TNXB: variants seen among roughly 807,000 people sequenced by gnomAD.
TNXB encodes the protein tenascin XB.
Under a neutral mutation model 340.5 loss-of-function variants are expected in TNXB, and 183 were observed. The ratio of observed to expected loss-of-function variants is 0.54; its 90% CI spans 0.48 to 0.61. The LOEUF (loss-of-function observed/expected upper bound fraction) is 0.61. TNXB is among the 20% of genes least tolerant of loss of function. The pLI, the probability that TNXB is intolerant of heterozygous loss-of-function variation, is 0.00. For missense variants in TNXB, 4,613 were observed against 5,446.4 expected, an observed-to-expected ratio of 0.85 and a Z score of 4.82; for synonymous variants, 2,121 against 2,314.5, an observed-to-expected ratio of 0.92 and a Z score of 2.40.
chr6:32,098,187 G>A lies in TNXB; in HGVS notation c.12C>T (p.Ala4=). The change falls in exon 2 of 44, where the codon GCC becomes GCT. Residue 4 remains alanine (A), a synonymous_variant. Coordinates refer to ENST00000644971, the MANE Select transcript of TNXB (RefSeq NM_001365276.2). MMP[A]QYALTSSLVL... ...CCAGGCTGGAGGTTAGAGCATACTG[G>A]GCTGGCATCATTCAGGAGGCTGCAG... 6.6e-7 allele frequency: 1 copy of A among 1,521,218 alleles called. No homozygotes were observed. The highest frequency in any genetic ancestry group is 8.8e-7 in the Non-Finnish European group (1 of 1,131,640). The allele number at this position is 1,521,218 out of a possible 1,614,324, so 94.2% of individuals were successfully genotyped here.
At chr6:32,076,035 GACC>G (rs1339237950) in intron 11 of TNXB, among the ~76,000 whole-genome samples, 3 of 152,156 alleles carry the variant, frequency 2.0e-5, no homozygotes, top group Non-Finnish European at 2.9e-5. Flanking sequence ...GGAGCAGAGT[GACC>G]ACCAAGTATT....
Position 32,049,990 on chromosome 6 carries a change from T to A in TNXB, c.9439+8A>T, listed in dbSNP as rs200282568. On this transcript the variant is annotated splice_region_variant and intron_variant, in intron 27 of 43. Coordinates refer to ENST00000644971, the MANE Select transcript of TNXB (RefSeq NM_001365276.2). This position sits in a 1 kb window ranked among gnomAD's most constrained non-coding sequence, Gnocchi z 4.5. ...GCTCCCACCCTGGGGCTCCCATCATTCACTCACCCGTCACCCCAATGGCAG... is the reference window on the plus strand; with the variant it reads ...GCTCCCACCCTGGGGCTCCCATCATACACTCACCCGTCACCCCAATGGCAG... 6 of 1,612,636 alleles carry A rather than the reference T, an allele frequency of 3.7e-6. No homozygotes were observed. In the South Asian group the frequency reaches 4.4e-5, roughly 12 times the overall value.
At chr6:32,102,960 T>A (rs1780795835) in intron 1 of TNXB, among the ~76,000 whole-genome samples, 1 of 152,084 alleles carries the variant, frequency 6.6e-6, no homozygotes, top group African/African-American at 2.4e-5. Context: ...GCAGAGTTAA[T>A]CTTTGCTTTT....
chr6:32,054,865 C>T (rs528100890), intron 24 of TNXB, among the ~76,000 whole-genome samples: 14 of 152,326 alleles, frequency 9.2e-5, no homozygotes, highest in Admixed American at 3.3e-4. Context: ...CTGGTCTTGG[C>T]GTGGTCCAGT....
At chr6:32,054,693 C>T (rs910986151) in intron 24 of TNXB, among the ~76,000 whole-genome samples, 2 of 152,176 alleles carry the variant, frequency 1.3e-5, no homozygotes, top group African/African-American at 2.4e-5. Context: ...GCTTACTTTC[C>T]GGTTTTCTGC....
At position 32,089,606 on chromosome 6, in the gene TNXB, A is replaced by T. The variant is rs527567835; in HGVS notation, c.2359-227T>A. Among the ~76,000 whole-genome samples, 2 of 152,264 alleles carry T rather than the reference A, an allele frequency of 1.3e-5. No homozygotes were observed. Among genetic ancestry groups the T allele is most frequent in the East Asian group, 1.9e-4 (1 of 5,176 alleles). On this transcript the variant is annotated intron_variant, in intron 4 of 43. Transcript: ENST00000644971. The surrounding 1 kb of genome is among the most constrained non-coding windows in gnomAD (Gnocchi z 6.2). Reference sequence around the variant, plus strand: ...CTCACTTAATTCTCACAACAACCCTACGAAACAGGTCCTATTAGTCCCATT... The same window carrying T: ...CTCACTTAATTCTCACAACAACCCTTCGAAACAGGTCCTATTAGTCCCATT...
In TNXB at chr6:32,052,632, G is replaced by C; in HGVS notation, c.9115+38C>G. 6.3e-7 allele frequency: 1 copy of C among 1,599,230 alleles called. No homozygotes were observed. The highest frequency in any genetic ancestry group is 8.6e-7 in the Non-Finnish European group (1 of 1,168,772). ...TGGAGAGACAGCAGTGTCTTCCAGG[G>C]CCATCTTCCCCACCTCGCCTCACTC... On this transcript the variant is annotated intron_variant, in intron 26 of 43. Transcript: ENST00000644971. The surrounding 1 kb of genome is among the most constrained non-coding windows in gnomAD (Gnocchi z 4.7).
At chr6:32,078,669 G>T in intron 11 of TNXB, 1 of 281,446 alleles carries the variant, frequency 3.6e-6, no homozygotes, top group Non-Finnish European at 6.8e-6. Flanking sequence ...AGCCAAAGGG[G>T]ACAAAGCAGA....
chr6:32,053,031 T>TG (rs755767611), intron 25 of TNXB, 38 bp from the exon 26 acceptor site: 12 of 1,588,306 alleles, frequency 7.6e-6, no homozygotes, highest in Non-Finnish European at 1.0e-5. Flanking sequence ...GCAGCTTCCC[T>TG]GGGGGATGTC....
intron 6 of TNXB, among the ~76,000 whole-genome samples, chr6:32,088,264 G>A (rs1255419121): frequency 6.6e-6 from 1 of 152,200 alleles, no homozygotes; most frequent in African/African-American, 2.4e-5. Flanking sequence ...AGTCGGGGAA[G>A]AGAACATGAG....
In TNXB at chr6:32,042,626, G is replaced by A. The variant is rs748506569; in HGVS notation, c.12059-20C>T. The A allele has an allele frequency of 6.6e-6, 10 of 1,523,486 alleles. No individual in the cohort carries two copies. Among genetic ancestry groups the A allele is most frequent in the Non-Finnish European group, 8.0e-6 (9 of 1,126,844 alleles). The allele number at this position is 1,523,486 out of a possible 1,614,324, so 94.4% of individuals were successfully genotyped here. A position where few individuals can be genotyped will look rare whatever the true frequency, so the allele number is the denominator to read the frequency against. Reference sequence around the variant, plus strand: ...GCCCACCTGGGAGAGGAGAGCAGGGGCCAGTCCTTTTCCAAGCCTTAGGCC... The same window carrying A: ...GCCCACCTGGGAGAGGAGAGCAGGGACCAGTCCTTTTCCAAGCCTTAGGCC... On this transcript the variant is annotated intron_variant, in intron 39 of 43. Coordinates refer to ENST00000644971, the MANE Select transcript of TNXB (RefSeq NM_001365276.2).
Position 32,085,837 on chromosome 6 carries a change from G to C in TNXB, c.3061C>G (p.Pro1021Ala), listed in dbSNP as rs754081688. Residue 1021 changes from proline to alanine, a missense_variant, in exon 7 of 44, where the codon CCT becomes GCT. Physicochemically the swap from Pro to Ala is conservative, Grantham distance 27. Around this residue, in one of 7 missense-constraint regions of TNXB, gnomAD observed 4,327 missense variants for 4,859.4 expected, o/e 0.89. Coordinates refer to ENST00000644971, the MANE Select transcript of TNXB (RefSeq NM_001365276.2). The surrounding 1 kb of genome is among the most constrained non-coding windows in gnomAD (Gnocchi z 6.4). ...GACAGCTCATACGGGGTTCCAGGAG[G>C]GGGTGGAGGCACCAGAGCCTGGCGG... is the stretch of plus-strand genomic sequence containing the variant. ...DVRQALVPPP[P>A]PGTPYELSLH... 5.6e-6 allele frequency: 9 copies of C among 1,606,474 alleles called. No homozygotes were observed. Among genetic ancestry groups the C allele is most frequent in the South Asian group, 2.2e-5 (2 of 89,812 alleles).
In TNXB at chr6:32,073,759, G is replaced by A. The variant is rs977678401; in HGVS notation, c.4569C>T (p.Asp1523=). ...GGTTGTAGACTGTGACCTCTCGCTGGTCTGCCGCCACCGGCACCACCTGGG... is the reference window on the plus strand; with the variant it reads ...GGTTGTAGACTGTGACCTCTCGCTGATCTGCCGCCACCGGCACCACCTGGG... ...GQPQVVPVAA[D]QREVTVYNLE... Residue 1523 remains aspartate, a synonymous_variant, in exon 12 of 44, where the codon GAC becomes GAT. Transcript: ENST00000644971. This position sits in a 1 kb window ranked among gnomAD's most constrained non-coding sequence, Gnocchi z 4.6. 5.6e-6 allele frequency: 9 copies of A among 1,612,588 alleles called. No homozygotes were observed. The highest frequency in any genetic ancestry group is 7.6e-6 in the Non-Finnish European group (9 of 1,179,558).
rs765147072 is a variant in TNXB at position 32,069,074 on chromosome 6, G to A, written c.5650C>T (p.Leu1884Phe). 5.0e-6 allele frequency: 8 copies of A among 1,612,670 alleles called. No homozygotes were observed. The highest frequency in any genetic ancestry group is 5.9e-6 in the Non-Finnish European group (7 of 1,179,882). Residue 1884 changes from leucine (L) to phenylalanine (F), a missense_variant, in exon 16 of 44, where the codon CTC becomes TTC. Leu to Phe is a conservative substitution (Grantham distance 22). Around this residue, in one of 7 missense-constraint regions of TNXB, gnomAD observed 4,327 missense variants for 4,859.4 expected, o/e 0.89. Coordinates refer to ENST00000644971, the MANE Select transcript of TNXB (RefSeq NM_001365276.2). This position sits in a 1 kb window ranked among gnomAD's most constrained non-coding sequence, Gnocchi z 6.2. The part of the protein sequence containing the change: ...APTPPAPEPH[L>F]GELTVEEATS... ...GCCTCCTCCACTGTCAACTCCCCGAGGTGGGGCTCAGGCGCTGGAGGGGTC... is the reference window on the plus strand; with the variant it reads ...GCCTCCTCCACTGTCAACTCCCCGAAGTGGGGCTCAGGCGCTGGAGGGGTC...
intron 1 of TNXB, among the ~76,000 whole-genome samples, chr6:32,099,782 C>T (rs1022820357): frequency 6.7e-6 from 1 of 149,830 alleles, no homozygotes; most frequent in African/African-American, 2.5e-5. Flanking sequence ...AATATCAAGA[C>T]TTATTTTAAA....
Position 32,089,305 on chromosome 6 carries a change from G to A in TNXB, c.2433C>T (p.Ala811=), listed in dbSNP as rs755880945. Reference sequence around the variant, plus strand: ...CAGTGACCTGGTACTCCTGTCCAGGGGCCAGTCCTCTCTGGTCATAGGCTG... The same window carrying A: ...CAGTGACCTGGTACTCCTGTCCAGGAGCCAGTCCTCTCTGGTCATAGGCTG... ...SASAYDQRGL[A]PGQEYQVTVR... is the part of the protein sequence containing the mutation. The change falls in exon 5 of 44, where the codon GCC becomes GCT. Residue 811 remains alanine, a synonymous_variant. Coordinates refer to ENST00000644971, the MANE Select transcript of TNXB (RefSeq NM_001365276.2). The surrounding 1 kb of genome is among the most constrained non-coding windows in gnomAD (Gnocchi z 6.2). 2.1e-5 allele frequency: 33 copies of A among 1,608,114 alleles called. No individual in the cohort carries two copies. Among genetic ancestry groups the A allele is most frequent in the Non-Finnish European group, 2.8e-5 (33 of 1,178,310 alleles).
chr6:32,076,784 C>G (rs972492869), intron 11 of TNXB, among the ~76,000 whole-genome samples: 1 of 152,234 alleles, frequency 6.6e-6, no homozygotes, highest in African/African-American at 2.4e-5. Flanking sequence ...AAGTTCGAGA[C>G]CAGCCTGGCT....
intron 38 of TNXB, 49 bp downstream of exon 38, chr6:32,042,902 C>A: frequency 2.5e-6 from 1 of 397,030 alleles, no homozygotes; most frequent in Non-Finnish European, 4.3e-6. Context: ...GAGGCAGCAC[C>A]TCCTGGAATC....
intron 1 of TNXB, among the ~76,000 whole-genome samples, chr6:32,104,496 C>T (rs764948931): frequency 8.5e-5 from 13 of 152,190 alleles, no homozygotes; most frequent in Non-Finnish European, 1.3e-4. Context: ...CCATTCAAGG[C>T]TACCATATTT....
Sources: allele counts gnomAD v4.1 joint callset (sites outside exome capture counted in the v4.1 genomes callset), GRCh38; gene constraint gnomAD v4.1.1; regional missense constraint gnomAD v4.1.1; non-coding constraint Gnocchi (gnomAD v3.1); transcripts MANE v1.5; gene names NCBI Gene and HGNC (gene_info 2026-07-23, HGNC 2026-07-21).